NFX1: variants seen among roughly 807,000 people sequenced by gnomAD.
NFX1 encodes the protein transcriptional repressor NF-X1.
A neutral mutation model predicts 137.2 loss-of-function variants in NFX1; 69 were observed. The ratio of observed to expected loss-of-function variants is 0.50; its 90% CI spans 0.41 to 0.61. The LOEUF is 0.61. Among genes scored for constraint, NFX1 ranks in the 20% least tolerant of loss-of-function variants. NFX1 has a pLI of 0.00. For synonymous variants in NFX1, 495 were observed against 474.1 expected (o/e 1.04, Z -0.57); for missense variants, 1,167 against 1,391.0 (o/e 0.84, Z 2.56).
intron 23 of NFX1, among the ~76,000 whole-genome samples, chr9:33,369,087 A>T (rs1307640245): frequency 6.7e-6 from 1 of 149,834 alleles, no homozygotes; most frequent in Admixed American, 6.6e-5. Flanking sequence ...TTTTTTTGAG[A>T]TGGAGTCTCG....
rs188668664 is a variant in NFX1 at position 33,349,781 on chromosome 9, G to A, written c.2425-1779G>A. Among the ~76,000 whole-genome samples the A allele has an allele frequency of 1.1e-3, 164 of 152,256 alleles. 1 individual carries two copies. In the Middle Eastern group the frequency reaches 0.031, roughly 28 times the overall value. On this transcript the variant is annotated intron_variant, in intron 15 of 23. Coordinates refer to ENST00000379540, the MANE Select transcript of NFX1 (RefSeq NM_002504.6). ...CCATGAGTTGGGAGACATGAGGAGA[G>A]TTAAGTATTTAATTACAGAAAACAG...
intron 9 of NFX1, among the ~76,000 whole-genome samples, chr9:33,321,572 AC>A (rs1190420718): frequency 1.3e-5 from 2 of 152,136 alleles, no homozygotes; most frequent in Non-Finnish European, 2.9e-5. Flanking sequence ...GCTAGGGAAA[AC>A]TATAAAAAAG....
chr9:33,341,462 G>A (rs1004763987), intron 12 of NFX1, among the ~76,000 whole-genome samples: 1 of 151,908 alleles, frequency 6.6e-6, no homozygotes, highest in Non-Finnish European at 1.5e-5. Context: ...CTGTATCAGT[G>A]TATATATATA....
In NFX1 at chr9:33,342,816, C is replaced by T; in HGVS notation, c.2186C>T (p.Pro729Leu). 1 of 1,613,630 alleles carries T rather than the reference C, an allele frequency of 6.2e-7. No individual in the cohort carries two copies. The highest frequency in any genetic ancestry group is 8.5e-7 in the Non-Finnish European group (1 of 1,179,834). ...TGTGGCCTTCATAGGTGTGAAGAAC[C>T]TTGTCATCGTGGAAACTGCCAGACA... is the stretch of plus-strand genomic sequence containing the variant. ...LRCGLHRCEEPCHRGNCQTCW... is the reference protein window; with the variant it reads ...LRCGLHRCEELCHRGNCQTCW... Residue 729 changes from proline (P) to leucine (L), a missense_variant, in exon 13 of 24, where the codon CCT becomes CTT. This residue lies in a region of NFX1 where 488 missense variants were observed against 691.5 expected (regional missense o/e 0.71). Coordinates refer to ENST00000379540, the MANE Select transcript of NFX1 (RefSeq NM_002504.6).
At chr9:33,290,687 C>T in intron 1 of NFX1, 90 bp downstream of exon 1, 3 of 1,333,316 alleles carry the variant, frequency 2.3e-6, no homozygotes, top group South Asian at 1.3e-5. Context: ...CCACTCATAT[C>T]GCGAGAGTAG....
At chr9:33,308,377 G>A (rs951012991) in intron 5 of NFX1, among the ~76,000 whole-genome samples, 2 of 152,164 alleles carry the variant, frequency 1.3e-5, no homozygotes, top group Non-Finnish European at 1.5e-5. Flanking sequence ...AGGAGTTCAC[G>A]GCTGCAGTGA....
At chr9:33,359,400 A>T (rs1170744453) in intron 19 of NFX1, among the ~76,000 whole-genome samples, 4 of 152,010 alleles carry the variant, frequency 2.6e-5, no homozygotes, top group Admixed American at 1.3e-4. Flanking sequence ...AGAGTTCGAG[A>T]CCAGCCTGGT....
rs556081952 is a variant in NFX1, at chr9:33,354,279, TAG to T, written c.2831+95_2831+96del. 4.9e-4 allele frequency: 497 copies of T among 1,020,450 alleles called. 6 individuals are homozygous for T. The South Asian group carries it at 7.6e-3, about 16-fold the overall frequency. 63.2% of individuals were successfully genotyped at this position (1,020,450 alleles called of 1,614,324 possible). Reference sequence around the variant, plus strand: ...ATTCATTTATCTCAATCCTTCATAGTAGAGCCTTGCATACACAATAAGTATTC... The same window carrying T: ...ATTCATTTATCTCAATCCTTCATAGTAGCCTTGCATACACAATAAGTATTC... On this transcript the variant is annotated intron_variant, in intron 18 of 23. Transcript: ENST00000379540.
At chr9:33,310,948 A>G (rs1342206764) in intron 5 of NFX1, among the ~76,000 whole-genome samples, 158 bp from the exon 6 acceptor site, 1 of 152,258 alleles carries the variant, frequency 6.6e-6, no homozygotes, top group Non-Finnish European at 1.5e-5. Flanking sequence ...TACAGTTGAT[A>G]TCTTTGTTCA....
chr9:33,332,146 C>G (rs565331660), intron 10 of NFX1, among the ~76,000 whole-genome samples: 29 of 152,308 alleles, frequency 1.9e-4, no homozygotes, highest in Middle Eastern at 3.4e-3. Context: ...GTGATGACTT[C>G]TCTTTCCTTT....
chr9:33,310,631 G>A (rs1243213333), intron 5 of NFX1, among the ~76,000 whole-genome samples: 2 of 151,910 alleles, frequency 1.3e-5, no homozygotes, highest in Admixed American at 6.6e-5. Flanking sequence ...TCCATTGTTT[G>A]CCCAGTGCCT....
In NFX1 at chr9:33,300,333, T is replaced by G. The variant is rs142165517; in HGVS notation, c.1034-930T>G. 3.8e-3 allele frequency among the ~76,000 whole-genome samples: 581 copies of G among 152,144 alleles called. 1 individual carries two copies. The highest frequency in any genetic ancestry group is 8.5e-3 in the South Asian group (41 of 4,818). On this transcript the variant is annotated intron_variant, in intron 2 of 23. Coordinates refer to ENST00000379540, the MANE Select transcript of NFX1 (RefSeq NM_002504.6). ...CCGCCTTGGCCTCCCAAAGTGCTGG[T>G]ATTACAGGTGTAAGCCACCGTGTCC... is the stretch of plus-strand genomic sequence containing the variant.
intron 12 of NFX1, among the ~76,000 whole-genome samples, 189 bp downstream of exon 12, chr9:33,338,778 A>C (rs1472503911): frequency 1.3e-5 from 2 of 152,146 alleles, no homozygotes; most frequent in Non-Finnish European, 2.9e-5. Flanking sequence ...TTTTAGCCTC[A>C]CCCAGGTTAA....
intron 14 of NFX1, among the ~76,000 whole-genome samples, chr9:33,345,065 G>C (rs1220026716): frequency 6.6e-6 from 1 of 152,080 alleles, no homozygotes; most frequent in African/African-American, 2.4e-5. Context: ...AGGAGGCTGA[G>C]GCAGGAGAAT....
chr9:33,329,219 C>G lies in NFX1; in HGVS notation c.2004+541C>G, dbSNP rs370662577. ...CCTGTGGAGTCAGGAAAGTATTACT[C>G]TCTCCGCTTCAGTGTGTGCCAGCAT... On this transcript the variant is annotated intron_variant, in intron 10 of 23. Transcript: ENST00000379540. 2.3e-4 allele frequency among the ~76,000 whole-genome samples: 35 copies of G among 152,208 alleles called. 1 individual carries two copies. Among genetic ancestry groups the G allele is most frequent in the South Asian group, 2.1e-3 (10 of 4,832 alleles).
intron 15 of NFX1, chr9:33,347,958 T>C (rs1419080616): frequency 6.3e-6 from 1 of 157,824 alleles, no homozygotes; most frequent in South Asian, 1.7e-4. Flanking sequence ...TTCTCAATTA[T>C]AAGAGGGAGC....
intron 19 of NFX1, among the ~76,000 whole-genome samples, chr9:33,362,228 T>C (rs1406607493): frequency 3.9e-5 from 6 of 152,042 alleles, no homozygotes; most frequent in Admixed American, 2.6e-4. Flanking sequence ...TTCCTCACAT[T>C]AAAAATAGAA....
intron 19 of NFX1, among the ~76,000 whole-genome samples, chr9:33,355,734 T>C (rs979651277): frequency 6.8e-6 from 1 of 147,076 alleles, no homozygotes; most frequent in Non-Finnish European, 1.5e-5. Context: ...CACCTCTGCC[T>C]CCCGGGTTCA....
At chr9:33,310,440 G>A (rs1021822144) in intron 5 of NFX1, among the ~76,000 whole-genome samples, 12 of 152,240 alleles carry the variant, frequency 7.9e-5, no homozygotes, top group Middle Eastern at 3.4e-3. Context: ...TACAAATTCC[G>A]TATTGTAACT....
Sources: gnomAD v4.1 joint callset for allele counts (sites outside exome capture counted in the v4.1 genomes callset) on GRCh38, gnomAD v4.1.1 for gene constraint, gnomAD v4.1.1 regional missense constraint, MANE v1.5 for transcripts, NCBI Gene and HGNC (gene_info 2026-07-23, HGNC 2026-07-21) for gene names.